KATNAL2: variants seen among roughly 807,000 people sequenced by gnomAD.
The protein encoded by KATNAL2 is katanin p60 ATPase-containing subunit A-like 2.
KATNAL2 carries 52 observed loss-of-function variants against 76.3 expected under a neutral mutation model. The observed-to-expected ratio is 0.68, with a 90% CI of 0.55 to 0.86. The LOEUF (loss-of-function observed/expected upper bound fraction) is 0.86, where lower values mean the gene tolerates loss of function less well. Among genes scored for constraint, KATNAL2 ranks in the 40% least tolerant of loss-of-function variants. The probability of loss-of-function intolerance (pLI) is 0.00; values close to 1 mark genes in which losing one functional copy is unlikely to be tolerated. For missense variants in KATNAL2, 660 were observed against 668.9 expected (o/e 0.99, Z 0.15); for synonymous variants, 243 against 244.2 (o/e 1.00, Z 0.05).
intron 15 of KATNAL2, among the ~76,000 whole-genome samples, chr18:47,090,586 T>A (rs1246892445): frequency 6.6e-6 from 1 of 152,056 alleles, no homozygotes; most frequent in Non-Finnish European, 1.5e-5. Flanking sequence ...GTGTGATTGG[T>A]ACAGACAATA....
chr18:47,054,528 C>T, intron 6 of KATNAL2, 90 bp downstream of exon 6: 1 of 1,281,392 alleles, frequency 7.8e-7, no homozygotes, highest in Non-Finnish European at 1.1e-6. Context: ...AGCTCTGTGA[C>T]TGTCTCCCAG....
At chr18:47,044,325 G>A (rs1450761662) in intron 3 of KATNAL2, among the ~76,000 whole-genome samples, 1 of 152,212 alleles carries the variant, frequency 6.6e-6, no homozygotes, top group African/African-American at 2.4e-5. Context: ...GGGGCTGGGG[G>A]CAGGGGAGAT....
At position 47,094,536 on chromosome 18, in the gene KATNAL2, T is replaced by C. The variant is rs73954228; in HGVS notation, c.1212-4707T>C. ...GATGTAGGTCTTCTTGGCTGCCTAA[T>C]GTTTATGAGAGGGGTACATTAACAA... On this transcript the variant is annotated intron_variant, in intron 15 of 17. Coordinates refer to ENST00000683218, the MANE Select transcript of KATNAL2 (RefSeq NM_001387690.1). Among the ~76,000 whole-genome samples the C allele has an allele frequency of 5.5e-3, 834 of 152,340 alleles. 9 individuals carry two copies. The highest frequency in any genetic ancestry group is 0.019 in the African/African-American group (800 of 41,574).
chr18:47,091,173 C>A (rs139853157), intron 15 of KATNAL2: 1 of 152,356 alleles, frequency 6.6e-6, no homozygotes, highest in Non-Finnish European at 1.5e-5. Flanking sequence ...TAGGAAGGTA[C>A]CTGAGGGTTG....
intron 3 of KATNAL2, among the ~76,000 whole-genome samples, chr18:46,960,146 C>CA (rs1418504025): frequency 6.6e-6 from 1 of 151,996 alleles, no homozygotes; most frequent in Admixed American, 6.6e-5. Context: ...AGGAGAACCC[C>CA]AAAAAAGCGG....
intron 1 of KATNAL2, among the ~76,000 whole-genome samples, chr18:46,934,475 G>A (rs1235098012): frequency 3.9e-5 from 6 of 152,070 alleles, no homozygotes; most frequent in African/African-American, 9.7e-5. Context: ...CATATCTTTC[G>A]CCCACTTTTT....
At chr18:46,952,393 GTTTT>G (rs35596537) in intron 3 of KATNAL2, among the ~76,000 whole-genome samples, 1 of 64,404 alleles carries the variant, frequency 1.6e-5, no homozygotes, top group Non-Finnish European at 2.7e-5. Context: ...CTGCAGGTAT[GTTTT>G]TTTTTTTTTT....
intron 4 of KATNAL2, among the ~76,000 whole-genome samples, chr18:47,049,123 C>T (rs1344596973): frequency 6.6e-6 from 1 of 152,136 alleles, no homozygotes; most frequent in African/African-American, 2.4e-5. Flanking sequence ...GCGCCCAGCC[C>T]AGACTATTTT....
At chr18:46,938,937 A>G (rs1006401568) in intron 1 of KATNAL2, among the ~76,000 whole-genome samples, 11 of 151,890 alleles carry the variant, frequency 7.2e-5, no homozygotes, top group Non-Finnish European at 1.5e-4. Context: ...CAATTCCTGC[A>G]CCCCCAGTCC....
chr18:47,070,508 T>C (rs1268691088), intron 13 of KATNAL2, among the ~76,000 whole-genome samples: 2 of 152,220 alleles, frequency 1.3e-5, no homozygotes, highest in Non-Finnish European at 2.9e-5. Flanking sequence ...TTAAGAGCAC[T>C]TCCATTTATG....
At chr18:47,038,702 C>T (rs1473875907) in intron 3 of KATNAL2, among the ~76,000 whole-genome samples, 1 of 152,116 alleles carries the variant, frequency 6.6e-6, no homozygotes, top group African/African-American at 2.4e-5. Flanking sequence ...TAAAAAATAG[C>T]TGCACTTTAA....
At chr18:47,039,366 A>G (rs1599616624) in intron 3 of KATNAL2, among the ~76,000 whole-genome samples, 1 of 152,030 alleles carries the variant, frequency 6.6e-6, no homozygotes, top group Non-Finnish European at 1.5e-5. Context: ...GAAATTCTGT[A>G]CCCTTTACCT....
chr18:46,951,824 G>C (rs995037419), intron 3 of KATNAL2, among the ~76,000 whole-genome samples: 2 of 152,072 alleles, frequency 1.3e-5, no homozygotes, highest in Non-Finnish European at 2.9e-5. Context: ...TGCTCTGTCA[G>C]CAGTGGCCCG....
chr18:46,957,049 A>AAG (rs2059772038), intron 3 of KATNAL2, among the ~76,000 whole-genome samples: 1 of 151,486 alleles, frequency 6.6e-6, no homozygotes, highest in Non-Finnish European at 1.5e-5. Context: ...AAAAAAAAAA[A>AAG]AAAAAGAAAA....
intron 4 of KATNAL2, among the ~76,000 whole-genome samples, chr18:47,050,137 A>G (rs2061296232): frequency 6.6e-6 from 1 of 152,030 alleles, no homozygotes; most frequent in South Asian, 2.1e-4. Context: ...CTTGGCTTCC[A>G]GAGTGCTGAG....
intron 3 of KATNAL2, among the ~76,000 whole-genome samples, chr18:46,967,831 T>C (rs2060177030): frequency 8.7e-6 from 1 of 115,094 alleles, no homozygotes; most frequent in Admixed American, 8.0e-5. Flanking sequence ...AAGATTGGGA[T>C]TGATTCTTTG....
intron 3 of KATNAL2, 93 bp downstream of exon 3, chr18:46,947,016 C>A: frequency 1.1e-6 from 1 of 911,250 alleles, no homozygotes; most frequent in Non-Finnish European, 1.7e-6. Context: ...GCTATGGCGA[C>A]AGAGTCCGCT....
At chr18:46,921,077 A>G (rs2058511807) in intron 1 of KATNAL2, among the ~76,000 whole-genome samples, 1 of 152,206 alleles carries the variant, frequency 6.6e-6, no homozygotes, top group Non-Finnish European at 1.5e-5. Flanking sequence ...AAGATTCATT[A>G]TAAGTACTGT....
chr18:46,959,818 G>T (rs186570858), intron 3 of KATNAL2, among the ~76,000 whole-genome samples: 1 of 152,124 alleles, frequency 6.6e-6, no homozygotes, highest in African/African-American at 2.4e-5. Context: ...CAAGTGATCT[G>T]CCCGCCTCGG....
Sources: gnomAD v4.1 joint callset for allele counts (sites outside exome capture counted in the v4.1 genomes callset) on GRCh38, gnomAD v4.1.1 for gene constraint, MANE v1.5 for transcripts, NCBI Gene and HGNC (gene_info 2026-07-23, HGNC 2026-07-21) for gene names.